Variants in FBXO5 observed in about 807,000 individuals in gnomAD.
The protein encoded by FBXO5 is F-box protein 5, also known as F-box only protein 5.
FBXO5 carries 8 observed loss-of-function variants against 43.3 expected under a neutral mutation model. The observed-to-expected ratio is 0.18, with a 90% CI of 0.11 to 0.33. The LOEUF (loss-of-function observed/expected upper bound fraction) is 0.33. FBXO5 is among the 10% of genes least tolerant of loss of function. The pLI, the probability that FBXO5 is intolerant of heterozygous loss-of-function variation, is 1.00. For synonymous variants in FBXO5, 204 were observed against 193.7 expected, an observed-to-expected ratio of 1.05 and a Z score of -0.44; for missense variants, 491 against 535.7, an observed-to-expected ratio of 0.92 and a Z score of 0.82.
At chr6:152,972,831 T>A (rs528121343) in intron 3 of FBXO5, 2 of 447,060 alleles carry the variant, frequency 4.5e-6, no homozygotes, top group African/African-American at 2.5e-5. Context: ...ATTTTCCCTT[T>A]GTTACTTTAG....
intron 4 of FBXO5, among the ~76,000 whole-genome samples, chr6:152,971,726 T>C (rs1347931249): frequency 6.6e-6 from 1 of 152,216 alleles, no homozygotes; most frequent in Non-Finnish European, 1.5e-5. Flanking sequence ...TTTTGGTAAG[T>C]TATCTAAATT....
At position 152,971,278 on chromosome 6, in the gene FBXO5, A is replaced by T; in HGVS notation, c.1229T>A (p.Leu410His). 1 of 1,614,096 alleles carries T rather than the reference A, an allele frequency of 6.2e-7. No homozygotes were observed. Among genetic ancestry groups the T allele is most frequent in the Non-Finnish European group, 8.5e-7 (1 of 1,179,964 alleles). ...GTCTTTAGTAGTATGATAATTACAG[A>T]GACACTTCGTACAATAATCAAATCC... Reference protein sequence around the residue: ...GCGFDYCTKCLCNYHTTKDCS... With the variant: ...GCGFDYCTKCHCNYHTTKDCS... Residue 410 changes from leucine to histidine, a missense_variant, in exon 5 of 5, where the codon CTC (leucine) becomes CAC (histidine). Leu to His is a moderately conservative substitution (Grantham distance 99). Coordinates refer to ENST00000229758, the MANE Select transcript of FBXO5 (RefSeq NM_012177.5).
chr6:152,982,956 T>C lies in FBXO5; in HGVS notation c.4A>G (p.Ser2Gly). The C allele has an allele frequency of 7.1e-7, 1 of 1,405,950 alleles. No homozygotes were observed. The highest frequency in any genetic ancestry group is 1.5e-5 in the African/African-American group (1 of 66,096). The allele number at this position is 1,405,950 out of a possible 1,614,324, so 87.1% of individuals were successfully genotyped here. Residue 2 changes from serine to glycine, a missense_variant, in exon 1 of 5, where the codon AGC becomes GGC. By Grantham distance (56) the Ser-to-Gly change is moderately conservative (BLOSUM62 0). Transcript: ENST00000229758. ...AGGGCGCAGCTGCAGGGGCGCCGGC[T>C]CATGCCAGCCGACGTGGAGTCTGCC... is the stretch of plus-strand genomic sequence containing the variant. M[S>G]RRPCSCALRP... is the part of the protein sequence containing the mutation.
At chr6:152,980,768 A>C (rs1243583186) in intron 1 of FBXO5, among the ~76,000 whole-genome samples, 1 of 152,186 alleles carries the variant, frequency 6.6e-6, no homozygotes, top group Non-Finnish European at 1.5e-5. Flanking sequence ...AAGGAGAGTA[A>C]AAAAACACCC....
intron 4 of FBXO5, among the ~76,000 whole-genome samples, 165 bp downstream of exon 4, chr6:152,972,107 A>G (rs961752696): frequency 7.2e-5 from 11 of 152,172 alleles, no homozygotes; most frequent in Non-Finnish European, 1.6e-4. Context: ...AGTTCTAATT[A>G]TACTATAATT....
At position 152,971,091 on chromosome 6, in the gene FBXO5, A is replaced by ATT. The variant is rs397784317; in HGVS notation, c.*70_*71dup. 2.2e-5 allele frequency: 32 copies of ATT among 1,438,300 alleles called. No homozygotes were observed. Among genetic ancestry groups the ATT allele is most frequent in the East Asian group, 1.4e-4 (6 of 43,030 alleles). 89.1% of individuals were successfully genotyped at this position (1,438,300 alleles called of 1,614,324 possible). A position where few individuals can be genotyped will look rare whatever the true frequency, so the allele number is the denominator to read the frequency against. ...ACATAAAATTGAAAATCACAATACAATTTTTTTTAAGTTAAAACCTAACAT... is the reference window on the plus strand; with the variant it reads ...ACATAAAATTGAAAATCACAATACAATTTTTTTTTTAAGTTAAAACCTAACAT... On this transcript the variant is annotated 3_prime_UTR_variant, in exon 5 of 5. Transcript: ENST00000229758.
chr6:152,982,591 G>A (rs1178258543), intron 1 of FBXO5, among the ~76,000 whole-genome samples: 1 of 152,234 alleles, frequency 6.6e-6, no homozygotes, highest in East Asian at 1.9e-4. Context: ...CGCACCTCCC[G>A]GGGCTGGAGT....
chr6:152,975,694 T>C (rs1041793044), intron 1 of FBXO5, 73 bp from the exon 2 acceptor site: 4 of 920,250 alleles, frequency 4.3e-6, no homozygotes, highest in African/African-American at 3.3e-5. Flanking sequence ...AATTGGGATA[T>C]ACAAAGATTA....
chr6:152,977,485 C>T (rs968162902), intron 1 of FBXO5, among the ~76,000 whole-genome samples: 1 of 152,138 alleles, frequency 6.6e-6, no homozygotes, highest in African/African-American at 2.4e-5. Context: ...GTGAAAGACA[C>T]ATAGTATGTG....
Position 152,971,144 on chromosome 6 carries a change from C to G in FBXO5, c.*19G>C. 6.3e-7 allele frequency: 1 copy of G among 1,584,910 alleles called. No homozygotes were observed. The highest frequency in any genetic ancestry group is 1.8e-4 in the Middle Eastern group (1 of 5,596). On this transcript the variant is annotated 3_prime_UTR_variant, in exon 5 of 5. Transcript: ENST00000229758. ...TCTAACTAACATTCATGATCAGTAA[C>G]AATTGATTTAATAAGAGATCACAAT...
At chr6:152,974,479 GAATAT>G (rs1778133793) in intron 2 of FBXO5, among the ~76,000 whole-genome samples, 1 of 152,150 alleles carries the variant, frequency 6.6e-6, no homozygotes, top group Non-Finnish European at 1.5e-5. Context: ...GTAATAGCAT[GAATAT>G]AAAATTTGAA....
At chr6:152,973,677 C>A (rs1053480994) in intron 2 of FBXO5, 1 of 152,550 alleles carries the variant, frequency 6.6e-6, no homozygotes, top group Non-Finnish European at 1.5e-5. Flanking sequence ...TCCTGGCCAA[C>A]ATGGTGAAAC....
At position 152,970,840 on chromosome 6, in the gene FBXO5, T is replaced by C. The variant is rs542606608; in HGVS notation, c.*323A>G. ...GGAAAACCAGACATATTTAAGACTG[T>C]CTAGGTAAAATTGCATGGGTTTCCT... is the stretch of plus-strand genomic sequence containing the variant. On this transcript the variant is annotated 3_prime_UTR_variant, in exon 5 of 5. Coordinates refer to ENST00000229758, the MANE Select transcript of FBXO5 (RefSeq NM_012177.5). 2.0e-5 allele frequency: 4 copies of C among 196,110 alleles called. No individual in the cohort carries two copies. The South Asian group carries it at 4.7e-4, about 23-fold the overall frequency. The allele number at this position is 196,110 out of a possible 1,614,324, so 12.1% of individuals were successfully genotyped here. A position where few individuals can be genotyped will look rare whatever the true frequency, so the allele number is the denominator to read the frequency against.
Position 152,971,147 on chromosome 6 carries a change from T to C in FBXO5, c.*16A>G, listed in dbSNP as rs757010428. On this transcript the variant is annotated 3_prime_UTR_variant, in exon 5 of 5. Transcript: ENST00000229758. ...AACTAACATTCATGATCAGTAACAA[T>C]TGATTTAATAAGAGATCACAATCTT... The C allele has an allele frequency of 1.2e-5, 19 of 1,587,104 alleles. No homozygotes were observed. The highest frequency in any genetic ancestry group is 1.8e-4 in the Middle Eastern group (1 of 5,674).
chr6:152,983,186 CT>C (rs1414382500), upstream of FBXO5: 7 of 398,014 alleles, frequency 1.8e-5, no homozygotes, highest in East Asian at 1.9e-4. Flanking sequence ...CAATTGGAGG[CT>C]GCCGAGGCGG....
At position 152,975,466 on chromosome 6, in the gene FBXO5, T is replaced by A; in HGVS notation, c.259A>T (p.Ile87Phe). ...CATGACAGCCTTTCATAGTCTTTAATGCAGTCTTTACAGGAACCTTCCAAA... is the reference window on the plus strand; with the variant it reads ...CATGACAGCCTTTCATAGTCTTTAAAGCAGTCTTTACAGGAACCTTCCAAA... Reference protein sequence around the residue: ...AYLEGSCKDCIKDYERLSCIG... With the variant: ...AYLEGSCKDCFKDYERLSCIG... The change falls in exon 2 of 5, where the codon ATT (isoleucine) becomes TTT (phenylalanine). Residue 87 changes from isoleucine to phenylalanine, a missense_variant. Physicochemically the swap from Ile to Phe is conservative, Grantham distance 21. Coordinates refer to ENST00000229758, the MANE Select transcript of FBXO5 (RefSeq NM_012177.5). 6.2e-7 allele frequency: 1 copy of A among 1,614,106 alleles called. No individual in the cohort carries two copies.
Position 152,973,144 on chromosome 6 carries a change from A to G in FBXO5, c.819-8T>C, listed in dbSNP as rs1369563817. The G allele has an allele frequency of 6.2e-7, 1 of 1,603,666 alleles. No individual in the cohort carries two copies. Among genetic ancestry groups the G allele is most frequent in the East Asian group, 2.2e-5 (1 of 44,770 alleles). On this transcript the variant is annotated splice_region_variant and splice_polypyrimidine_tract_variant and intron_variant, in intron 2 of 4. Coordinates refer to ENST00000229758, the MANE Select transcript of FBXO5 (RefSeq NM_012177.5). The stretch of plus-strand genomic sequence containing the variant: ...GTGCTCACTTTAGACACACTGGAAA[A>G]GTAAATCACCATAAATGAAATAATT...
At chr6:152,979,037 T>C (rs1226176300) in intron 1 of FBXO5, among the ~76,000 whole-genome samples, 1 of 152,018 alleles carries the variant, frequency 6.6e-6, no homozygotes, top group African/African-American at 2.4e-5. Flanking sequence ...TTTAAAAGAA[T>C]TTTAATAAAC....
intron 1 of FBXO5, among the ~76,000 whole-genome samples, chr6:152,981,585 G>A (rs1778259314): frequency 6.6e-6 from 1 of 151,620 alleles, no homozygotes; most frequent in African/African-American, 2.4e-5. Flanking sequence ...CCTGTAAACT[G>A]GGGAAAAAAT....
Sources: allele counts gnomAD v4.1 joint callset (sites outside exome capture counted in the v4.1 genomes callset), GRCh38; gene constraint gnomAD v4.1.1; transcripts MANE v1.5; gene names NCBI Gene and HGNC (gene_info 2026-07-23, HGNC 2026-07-21).